The following VEGFC variants were observed in gnomAD, a reference collection of about 807,000 sequenced individuals.
VEGFC encodes the protein vascular endothelial growth factor C.
A neutral mutation model predicts 46.1 loss-of-function variants in VEGFC; 12 were observed. The observed-to-expected ratio is 0.26, with a 90% CI of 0.17 to 0.42. The LOEUF (loss-of-function observed/expected upper bound fraction) is 0.42, where lower values mean the gene tolerates loss of function less well. VEGFC is among the 10% of genes least tolerant of loss of function. VEGFC has a pLI of 1.00. For missense variants in VEGFC, 488 were observed against 529.4 expected (o/e 0.92, Z 0.77); for synonymous variants, 232 against 195.5 (o/e 1.19, Z -1.56).
chr4:176,770,919 C>A (rs1192509966), intron 1 of VEGFC, among the ~76,000 whole-genome samples: 1 of 151,616 alleles, frequency 6.6e-6, no homozygotes, highest in Admixed American at 6.6e-5. Flanking sequence ...ATTCTTCTAC[C>A]CCTCTGCCAT....
chr4:176,787,417 A>C (rs1179600692), intron 1 of VEGFC, among the ~76,000 whole-genome samples: 1 of 146,850 alleles, frequency 6.8e-6, no homozygotes, highest in East Asian at 2.0e-4. Context: ...ACATCATGCC[A>C]CTGCACTCCA....
chr4:176,719,405 G>A (rs571825587), intron 3 of VEGFC, among the ~76,000 whole-genome samples: 5 of 152,038 alleles, frequency 3.3e-5, no homozygotes, highest in Non-Finnish European at 5.9e-5. Context: ...CACTGATAAT[G>A]CAATAAATTG....
intron 1 of VEGFC, among the ~76,000 whole-genome samples, chr4:176,771,064 A>G (rs1211870502): frequency 2.6e-5 from 4 of 152,144 alleles, no homozygotes; most frequent in Non-Finnish European, 5.9e-5. Context: ...TCAAAGCTTG[A>G]AATAAAATAA....
intron 1 of VEGFC, among the ~76,000 whole-genome samples, chr4:176,782,061 C>A (rs1478282572): frequency 6.6e-6 from 1 of 152,142 alleles, no homozygotes; most frequent in Admixed American, 6.5e-5. Context: ...AAGTTGGAAC[C>A]AAAAGTATTA....
At position 176,687,129 on chromosome 4, in the gene VEGFC, T is replaced by C. The variant is rs1734054944; in HGVS notation, c.1145+58A>G. ...GTTACTTTGGTTAAGAAAACTGCTT[T>C]TGGTTTAGAGCATATTTCTAGTAAG... On this transcript the variant is annotated intron_variant, in intron 6 of 6. Transcript: ENST00000618562. The C allele has an allele frequency of 2.0e-6, 3 of 1,526,986 alleles. No individual in the cohort carries two copies. In the African/African-American group the frequency reaches 4.2e-5, roughly 21 times the overall value. 94.6% of individuals were successfully genotyped at this position (1,526,986 alleles called of 1,614,324 possible).
chr4:176,730,132 T>C (rs778647132), intron 1 of VEGFC, among the ~76,000 whole-genome samples: 19 of 152,310 alleles, frequency 1.2e-4, no homozygotes, highest in African/African-American at 4.3e-4. Flanking sequence ...CTTTGCTTTA[T>C]TTTTAGTTAC....
At chr4:176,728,031 G>T in intron 2 of VEGFC, 63 bp from the exon 3 acceptor site, 1 of 1,375,646 alleles carries the variant, frequency 7.3e-7, no homozygotes, top group Non-Finnish European at 9.9e-7. Context: ...AAAGCCCACA[G>T]CAGCTGCAAA....
intron 1 of VEGFC, among the ~76,000 whole-genome samples, chr4:176,745,473 G>C (rs1276235474): frequency 6.6e-6 from 1 of 151,978 alleles, no homozygotes; most frequent in Non-Finnish European, 1.5e-5. Context: ...TGCCTGACTA[G>C]AGAAATAGCC....
At chr4:176,788,412 T>C (rs1201814288) in intron 1 of VEGFC, among the ~76,000 whole-genome samples, 8 of 152,194 alleles carry the variant, frequency 5.3e-5, no homozygotes, top group Admixed American at 4.6e-4. Flanking sequence ...CACGCTGCTA[T>C]AGTGTGCCAA....
chr4:176,763,130 ATACC>A (rs1553996444), intron 1 of VEGFC, among the ~76,000 whole-genome samples: 2 of 152,372 alleles, frequency 1.3e-5, no homozygotes, highest in Non-Finnish European at 2.9e-5. Flanking sequence ...TAAGCCAAAA[ATACC>A]TTTGAAAGTG....
chr4:176,701,996 A>T (rs1734442285), intron 4 of VEGFC, among the ~76,000 whole-genome samples: 1 of 152,152 alleles, frequency 6.6e-6, no homozygotes, highest in Non-Finnish European at 1.5e-5. Flanking sequence ...TTAAAAAGGA[A>T]AGAGTGAAGC....
Position 176,778,273 on chromosome 4 carries a change from C to T in VEGFC, c.147+13892G>A, listed in dbSNP as rs1483001159. Among the ~76,000 whole-genome samples the T allele has an allele frequency of 3.3e-5, 5 of 152,256 alleles. No homozygotes were observed. The East Asian group carries it at 5.8e-4, about 18-fold the overall frequency. ...AGTTTCCTCACAATAGACATACTTGCTGGCAAGCTCTGATGACTAAACTGT... is the reference window on the plus strand; with the variant it reads ...AGTTTCCTCACAATAGACATACTTGTTGGCAAGCTCTGATGACTAAACTGT... On this transcript the variant is annotated intron_variant, in intron 1 of 6. Coordinates refer to ENST00000618562, the MANE Select transcript of VEGFC (RefSeq NM_005429.5).
intron 6 of VEGFC, among the ~76,000 whole-genome samples, chr4:176,684,308 C>G (rs1191898700): frequency 6.6e-6 from 1 of 152,176 alleles, no homozygotes; most frequent in Non-Finnish European, 1.5e-5. Context: ...TTGAAGTGCT[C>G]TTTGCTTCAT....
chr4:176,767,123 TAAAAAAA>T (rs70964805), intron 1 of VEGFC, among the ~76,000 whole-genome samples: 2 of 50,482 alleles, frequency 4.0e-5, no homozygotes, highest in Non-Finnish European at 7.0e-5. Context: ...TGTAGAAATC[TAAAAAAA>T]AAAAAAAAAA....
chr4:176,729,796 G>T, intron 1 of VEGFC, 50 bp from the exon 2 acceptor site: 1 of 1,455,310 alleles, frequency 6.9e-7, no homozygotes. Context: ...AAGGGATTTA[G>T]AAACAAATGC....
intron 4 of VEGFC, among the ~76,000 whole-genome samples, chr4:176,709,100 T>C (rs1356699438): frequency 2.0e-5 from 3 of 152,180 alleles, no homozygotes; most frequent in Admixed American, 6.5e-5. Context: ...ATAGTAGTTA[T>C]ATGAATAAGT....
intron 2 of VEGFC, among the ~76,000 whole-genome samples, chr4:176,728,564 A>T (rs377545880): frequency 6.6e-6 from 1 of 152,172 alleles, no homozygotes; most frequent in Non-Finnish European, 1.5e-5. Flanking sequence ...AGCAAAGTCA[A>T]TATTTCCTAT....
intron 4 of VEGFC, among the ~76,000 whole-genome samples, chr4:176,706,625 CAAAAAAAAAAAAAAAA>C (rs55996370): frequency 3.2e-5 from 2 of 63,448 alleles, no homozygotes; most frequent in South Asian, 9.6e-4. Context: ...GAATCTGTCT[CAAAAAAAAAAAAAAAA>C]AAAAAAAAAA....
chr4:176,771,146 T>C (rs910825672), intron 1 of VEGFC, among the ~76,000 whole-genome samples: 8 of 152,166 alleles, frequency 5.3e-5, no homozygotes, highest in Non-Finnish European at 1.0e-4. Context: ...TTCATCCTAA[T>C]GGGAAAACAT....
Sources: gnomAD v4.1 joint callset for allele counts (sites outside exome capture counted in the v4.1 genomes callset) on GRCh38, gnomAD v4.1.1 for gene constraint, MANE v1.5 for transcripts, NCBI Gene and HGNC (gene_info 2026-07-23, HGNC 2026-07-21) for gene names.